The following CNTN4 variants were observed in gnomAD, a reference collection of about 807,000 sequenced individuals.
CNTN4 encodes the protein contactin-4.
A neutral mutation model predicts 122.5 loss-of-function variants in CNTN4; 77 were observed. The ratio of observed to expected loss-of-function variants is 0.63; its 90% CI spans 0.52 to 0.76. The LOEUF is 0.76. CNTN4 is among the 30% of genes least tolerant of loss of function. CNTN4 has a pLI of 0.00. For synonymous variants in CNTN4, 512 were observed against 447.0 expected, an observed-to-expected ratio of 1.15 and a Z score of -1.83; for missense variants, 1,256 against 1,259.1, an observed-to-expected ratio of 1.00 and a Z score of 0.04.
At chr3:2,104,885 A>G (rs760798440) in intron 2 of CNTN4, among the ~76,000 whole-genome samples, 2 of 152,188 alleles carry the variant, frequency 1.3e-5, no homozygotes, top group African/African-American at 2.4e-5. Flanking sequence ...ATAAATGCCC[A>G]TTGCCTTGCT....
intron 13 of CNTN4, among the ~76,000 whole-genome samples, chr3:2,973,449 G>A (rs944844529): frequency 2.0e-5 from 3 of 152,006 alleles, no homozygotes; most frequent in Admixed American, 6.6e-5. Context: ...GATGTGGAGA[G>A]TATTCCGAAG....
At chr3:2,781,516 C>T (rs892891153) in intron 6 of CNTN4, among the ~76,000 whole-genome samples, 3 of 152,016 alleles carry the variant, frequency 2.0e-5, no homozygotes, top group African/African-American at 7.2e-5. Context: ...ATATTCTGAG[C>T]CACATATAGG....
intron 5 of CNTN4, among the ~76,000 whole-genome samples, chr3:2,743,488 G>A (rs1280801981): frequency 6.6e-6 from 1 of 152,068 alleles, no homozygotes; most frequent in East Asian, 1.9e-4. Context: ...CATGCTCCTG[G>A]TCTACCTTTC....
chr3:2,954,733 G>A (rs1228259150), intron 13 of CNTN4, among the ~76,000 whole-genome samples: 2 of 151,924 alleles, frequency 1.3e-5, no homozygotes, highest in South Asian at 2.1e-4. Flanking sequence ...ACGCAATCTG[G>A]ACCTAGTAAC....
At chr3:2,675,146 G>A (rs1000370180) in intron 4 of CNTN4, among the ~76,000 whole-genome samples, 10 of 149,300 alleles carry the variant, frequency 6.7e-5, no homozygotes, top group African/African-American at 2.0e-4. Context: ...TTTTTTTTCA[G>A]TTAGCTTCCT....
chr3:2,765,094 A>G (rs1378862412), intron 6 of CNTN4, among the ~76,000 whole-genome samples: 1 of 152,226 alleles, frequency 6.6e-6, no homozygotes, highest in Admixed American at 6.5e-5. Flanking sequence ...TGATGGTAAT[A>G]AAATACCCAG....
intron 17 of CNTN4, among the ~76,000 whole-genome samples, chr3:3,035,832 G>A (rs886971030): frequency 6.6e-5 from 10 of 152,016 alleles, no homozygotes; most frequent in Admixed American, 5.9e-4. Flanking sequence ...TGGGATTTCA[G>A]GCGTGAGCCA....
intron 4 of CNTN4, among the ~76,000 whole-genome samples, chr3:2,583,071 A>C (rs781497946): frequency 6.6e-6 from 1 of 152,348 alleles, no homozygotes; most frequent in African/African-American, 2.4e-5. Context: ...TTGTTTCCAC[A>C]TGCGTGACAT....
chr3:2,823,130 T>G (rs1443950661), intron 7 of CNTN4, among the ~76,000 whole-genome samples: 3 of 152,188 alleles, frequency 2.0e-5, no homozygotes, highest in Non-Finnish European at 4.4e-5. Flanking sequence ...TCTCTCACTG[T>G]TTTTCCGGGC....
intron 4 of CNTN4, among the ~76,000 whole-genome samples, chr3:2,618,478 AAG>A: frequency 6.6e-6 from 1 of 152,254 alleles, no homozygotes; most frequent in East Asian, 1.9e-4. Context: ...TTGTTGTAAA[AAG>A]TAAATGAGCA....
At chr3:2,571,611 C>G (rs2079422677) in intron 4 of CNTN4, 53 bp downstream of exon 4, 1 of 1,338,448 alleles carries the variant, frequency 7.5e-7, no homozygotes, top group East Asian at 2.3e-5. Context: ...GTATTTCACA[C>G]TAATTCAAAA....
intron 23 of CNTN4, among the ~76,000 whole-genome samples, chr3:3,051,578 G>A (rs536349473): frequency 3.9e-4 from 59 of 152,330 alleles, no homozygotes; most frequent in African/African-American, 1.4e-3. Flanking sequence ...GCCGTGATGA[G>A]AAGCTTTGAC....
intron 6 of CNTN4, among the ~76,000 whole-genome samples, chr3:2,796,180 A>G (rs2150015265): frequency 6.6e-6 from 1 of 152,250 alleles, no homozygotes; most frequent in East Asian, 1.9e-4. Flanking sequence ...AAAAATAGGG[A>G]CTTCAACAAG....
intron 6 of CNTN4, among the ~76,000 whole-genome samples, chr3:2,818,109 T>C (rs1576917413): frequency 6.6e-6 from 1 of 152,364 alleles, no homozygotes; most frequent in Non-Finnish European, 1.5e-5. Context: ...CAGACCTGCC[T>C]GCTTGAGCCC....
intron 2 of CNTN4, among the ~76,000 whole-genome samples, chr3:2,145,448 A>G (rs887998249): frequency 3.9e-5 from 6 of 152,200 alleles, no homozygotes; most frequent in African/African-American, 1.2e-4. Flanking sequence ...AGGCTTTGCT[A>G]GTAAGAGGCT....
intron 7 of CNTN4, among the ~76,000 whole-genome samples, chr3:2,837,473 A>G (rs1166245309): frequency 1.3e-5 from 2 of 152,054 alleles, no homozygotes; most frequent in Non-Finnish European, 2.9e-5. Flanking sequence ...GCAGGCCCTC[A>G]CGGTGTTACT....
chr3:2,152,824 C>G (rs2035554263), intron 2 of CNTN4, among the ~76,000 whole-genome samples: 1 of 152,070 alleles, frequency 6.6e-6, no homozygotes, highest in Non-Finnish European at 1.5e-5. Context: ...AATGTACTCC[C>G]AGATCGGGCT....
intron 4 of CNTN4, among the ~76,000 whole-genome samples, chr3:2,679,197 G>T (rs1454768849): frequency 6.6e-6 from 1 of 152,076 alleles, no homozygotes; most frequent in Non-Finnish European, 1.5e-5. Context: ...CAAAGTTTAT[G>T]TGTCATTTTA....
chr3:2,246,017 G>A (rs1379009981), intron 2 of CNTN4, among the ~76,000 whole-genome samples: 1 of 151,900 alleles, frequency 6.6e-6, no homozygotes, highest in Non-Finnish European at 1.5e-5. Context: ...TTCTCACACT[G>A]TCAGATGCTC....
Sources: gnomAD v4.1 joint callset for allele counts (sites outside exome capture counted in the v4.1 genomes callset) on GRCh38, gnomAD v4.1.1 for gene constraint, MANE v1.5 for transcripts, NCBI Gene and HGNC (gene_info 2026-07-23, HGNC 2026-07-21) for gene names.